ANKH: variants seen among roughly 807,000 people sequenced by gnomAD.
ANKH encodes the protein ANKH inorganic pyrophosphate transport regulator, also known as mineralization regulator ANKH.
Under a neutral mutation model 49.0 loss-of-function variants are expected in ANKH, and 15 were observed. The observed-to-expected ratio is 0.31, with a 90% CI of 0.20 to 0.47. The LOEUF is 0.47. ANKH is among the 20% of genes least tolerant of loss of function. ANKH has a pLI of 1.00. For synonymous variants in ANKH, 273 were observed against 260.0 expected, an observed-to-expected ratio of 1.05 and a Z score of -0.48; for missense variants, 429 against 652.0, an observed-to-expected ratio of 0.66 and a Z score of 3.72.
chr5:14,785,242 G>A (rs999917550), intron 1 of ANKH, among the ~76,000 whole-genome samples: 3 of 152,190 alleles, frequency 2.0e-5, no homozygotes, highest in Non-Finnish European at 4.4e-5. Context: ...TTGGATGTTT[G>A]TCCCCTCCAA....
At chr5:14,754,227 G>C (rs1738807355) in intron 4 of ANKH, among the ~76,000 whole-genome samples, 1 of 152,196 alleles carries the variant, frequency 6.6e-6, no homozygotes, top group Admixed American at 6.5e-5. Context: ...GTTTAAAATA[G>C]AGAAGGAAAA....
rs1736983643 is a variant in ANKH, at chr5:14,707,449, C to T, written c.*3748G>A. 1 of 152,214 alleles carries T rather than the reference C, an allele frequency of 6.6e-6. No individual in the cohort carries two copies. 9.4% of individuals were successfully genotyped at this position (152,214 alleles called of 1,614,324 possible). On this transcript the variant is annotated 3_prime_UTR_variant, in exon 12 of 12. Coordinates refer to ENST00000284268, the MANE Select transcript of ANKH (RefSeq NM_054027.6). ...AGCAGAGAGCTGTTAACATTTCACA[C>T]TTCTTATTCTGAAAATATAAGTGAA... is the stretch of plus-strand genomic sequence containing the variant.
chr5:14,787,291 G>A (rs1047592398), intron 1 of ANKH, among the ~76,000 whole-genome samples: 1 of 151,548 alleles, frequency 6.6e-6, no homozygotes, highest in Non-Finnish European at 1.5e-5. Flanking sequence ...TCCAGCCTGG[G>A]CAACAGAGCA....
chr5:14,755,396 G>T (rs1738853453), intron 4 of ANKH, among the ~76,000 whole-genome samples: 1 of 152,172 alleles, frequency 6.6e-6, no homozygotes, highest in Non-Finnish European at 1.5e-5. Context: ...ACCTGTGAAT[G>T]GCAGCCCTGC....
chr5:14,808,314 C>T (rs1449388126), intron 1 of ANKH, among the ~76,000 whole-genome samples: 1 of 152,092 alleles, frequency 6.6e-6, no homozygotes, highest in Non-Finnish European at 1.5e-5. Context: ...GACCAAAAGC[C>T]ATCAAGTCTA....
chr5:14,871,517 GA>G lies in ANKH; in HGVS notation c.-71del. On this transcript the variant is annotated 5_prime_UTR_variant, in exon 1 of 12. Transcript: ENST00000284268. ...GGGACTCTGCGGGGAGGCGAGGGGC[GA>G]CGGGGCGACGGGGCGAGCGGGGCGC... 2.8e-6 allele frequency: 1 copy of G among 357,084 alleles called. No homozygotes were observed. The highest frequency in any genetic ancestry group is 4.0e-6 in the Non-Finnish European group (1 of 249,716). 22.1% of individuals were successfully genotyped at this position (357,084 alleles called of 1,614,324 possible).
intron 1 of ANKH, among the ~76,000 whole-genome samples, chr5:14,785,446 T>C (rs1293864964): frequency 1.3e-5 from 2 of 152,132 alleles, no homozygotes; most frequent in Non-Finnish European, 2.9e-5. Flanking sequence ...ACCATGTGGT[T>C]TGCCTACTCC....
intron 2 of ANKH, among the ~76,000 whole-genome samples, chr5:14,764,326 T>G (rs1467968286): frequency 1.3e-5 from 2 of 152,120 alleles, no homozygotes; most frequent in African/African-American, 4.8e-5. Flanking sequence ...AGCCGTCATG[T>G]GTGCTTCTGT....
At chr5:14,793,023 TATATATATATAAAA>T (rs1276983003) in intron 1 of ANKH, among the ~76,000 whole-genome samples, 4 of 66,588 alleles carry the variant, frequency 6.0e-5, no homozygotes, top group Middle Eastern at 0.013. Context: ...TATATATAAA[TATATATATATAAAA>T]ATATATATAT....
At chr5:14,771,383 C>A (rs757579776) in intron 1 of ANKH, among the ~76,000 whole-genome samples, 2 of 152,190 alleles carry the variant, frequency 1.3e-5, no homozygotes, top group Admixed American at 6.5e-5. Flanking sequence ...TAAACATACT[C>A]CAAGAATGCT....
intron 11 of ANKH, 83 bp from the exon 12 acceptor site, chr5:14,711,393 G>A: frequency 8.3e-7 from 1 of 1,203,594 alleles, no homozygotes; most frequent in Admixed American, 1.7e-5. Context: ...ACAACACCGG[G>A]GTCTTGGGGG....
intron 11 of ANKH, among the ~76,000 whole-genome samples, chr5:14,711,604 G>T (rs1002582750): frequency 2.0e-5 from 3 of 152,108 alleles, no homozygotes; most frequent in Non-Finnish European, 1.5e-5. Context: ...TTCCAATGAG[G>T]GCTGCGCTCT....
At chr5:14,853,464 C>T (rs537339082) in intron 1 of ANKH, among the ~76,000 whole-genome samples, 1 of 152,270 alleles carries the variant, frequency 6.6e-6, no homozygotes, top group African/African-American at 2.4e-5. Flanking sequence ...ATGGTCACAG[C>T]TACTCGGGTG....
At chr5:14,813,983 G>A (rs1740959779) in intron 1 of ANKH, among the ~76,000 whole-genome samples, 1 of 151,834 alleles carries the variant, frequency 6.6e-6, no homozygotes, top group African/African-American at 2.4e-5. Context: ...CCCTCTCCCG[G>A]CTCAGACAGA....
chr5:14,788,658 A>G (rs1740056354), intron 1 of ANKH, among the ~76,000 whole-genome samples: 1 of 152,218 alleles, frequency 6.6e-6, no homozygotes, highest in Non-Finnish European at 1.5e-5. Context: ...TGAACTCAGG[A>G]GTTGAAGATG....
intron 1 of ANKH, among the ~76,000 whole-genome samples, chr5:14,807,525 A>G (rs1740745528): frequency 6.6e-6 from 1 of 152,176 alleles, no homozygotes; most frequent in Admixed American, 6.5e-5. Context: ...CTTAACCTGA[A>G]CTGCTGTGAG....
At chr5:14,779,877 G>T (rs1469394387) in intron 1 of ANKH, among the ~76,000 whole-genome samples, 1 of 152,200 alleles carries the variant, frequency 6.6e-6, no homozygotes, top group Non-Finnish European at 1.5e-5. Flanking sequence ...ACAGAATGCA[G>T]CAATGGGACA....
At position 14,706,090 on chromosome 5, in the gene ANKH, GGAGA is replaced by G. The variant is rs1553998460; in HGVS notation, c.*5103_*5106del. The G allele has an allele frequency of 6.6e-6, 1 of 152,116 alleles. No homozygotes were observed. Among genetic ancestry groups the G allele is most frequent in the Non-Finnish European group, 1.5e-5 (1 of 68,028 alleles). The allele number at this position is 152,116 out of a possible 1,614,324, so 9.4% of individuals were successfully genotyped here. A position where few individuals can be genotyped will look rare whatever the true frequency, so the allele number is the denominator to read the frequency against. On this transcript the variant is annotated 3_prime_UTR_variant, in exon 12 of 12. Coordinates refer to ENST00000284268, the MANE Select transcript of ANKH (RefSeq NM_054027.6). ...ACCTAAGGAAACCACTTAAACTCTT[GGAGA>G]GAGAAAGGGTGCCTAGTTCTTGTGT...
intron 1 of ANKH, among the ~76,000 whole-genome samples, chr5:14,814,540 A>T (rs1192727794): frequency 6.6e-6 from 1 of 152,182 alleles, no homozygotes; most frequent in Non-Finnish European, 1.5e-5. Flanking sequence ...TGGGAGGTTG[A>T]GGCTGCAGTG....
Sources: allele counts gnomAD v4.1 joint callset (sites outside exome capture counted in the v4.1 genomes callset), GRCh38; gene constraint gnomAD v4.1.1; transcripts MANE v1.5; gene names NCBI Gene and HGNC (gene_info 2026-07-23, HGNC 2026-07-21).